Variants in CEMIP observed in about 807,000 individuals in gnomAD.
CEMIP encodes the protein cell migration inducing hyaluronidase 1.
In CEMIP, 105 loss-of-function variants were observed where a neutral mutation model predicts 156.9. The observed-to-expected ratio is 0.67, with a 90% CI of 0.57 to 0.79. CEMIP has a LOEUF of 0.79. Ranked by LOEUF, CEMIP falls within the 30% of genes least tolerant of loss-of-function variation. The pLI is 0.00. For synonymous variants in CEMIP, 676 were observed against 668.4 expected (o/e 1.01, Z -0.17); for missense variants, 1,457 against 1,769.4 (o/e 0.82, Z 3.17).
At chr15:80,922,680 C>T (rs1900520334) in intron 17 of CEMIP, among the ~76,000 whole-genome samples, 1 of 152,218 alleles carries the variant, frequency 6.6e-6, no homozygotes, top group African/African-American at 2.4e-5. Context: ...CAGTCATCTT[C>T]ATTTGCTCAT....
At chr15:80,935,269 A>G (rs1008308060) in intron 23 of CEMIP, among the ~76,000 whole-genome samples, 1 of 152,184 alleles carries the variant, frequency 6.6e-6, no homozygotes, top group Admixed American at 6.5e-5. Context: ...TAATTGAAGG[A>G]TGACCAAACC....
intron 1 of CEMIP, among the ~76,000 whole-genome samples, chr15:80,811,698 G>C (rs1249844557): frequency 6.6e-6 from 1 of 152,168 alleles, no homozygotes; most frequent in Admixed American, 6.5e-5. Context: ...GAGGCCACAG[G>C]TGCTTGCCAC....
At chr15:80,913,721 A>T (rs1900153432) in intron 14 of CEMIP, among the ~76,000 whole-genome samples, 1 of 152,270 alleles carries the variant, frequency 6.6e-6, no homozygotes, top group Non-Finnish European at 1.5e-5. Flanking sequence ...CTGTGTAAAC[A>T]TCGCTGGTTC....
intron 21 of CEMIP, among the ~76,000 whole-genome samples, chr15:80,931,130 T>C (rs1306248310): frequency 6.6e-6 from 1 of 152,236 alleles, no homozygotes; most frequent in Non-Finnish European, 1.5e-5. Context: ...TCCAAGCCTG[T>C]TGCCGCTTCC....
At chr15:80,834,618 A>G (rs1304164126) in intron 1 of CEMIP, among the ~76,000 whole-genome samples, 1 of 152,208 alleles carries the variant, frequency 6.6e-6, no homozygotes, top group Non-Finnish European at 1.5e-5. Flanking sequence ...ATTCTGTTTC[A>G]TTGGTCCATT....
At chr15:80,948,624 T>C (rs1163364558) in intron 29 of CEMIP, 173 bp from the exon 30 acceptor site, 1 of 847,110 alleles carries the variant, frequency 1.2e-6, no homozygotes, top group Non-Finnish European at 1.9e-6. Context: ...TACAAACACA[T>C]GTCAGGCACC....
At chr15:80,913,135 G>A (rs1170166445) in intron 14 of CEMIP, among the ~76,000 whole-genome samples, 2 of 152,182 alleles carry the variant, frequency 1.3e-5, no homozygotes. Flanking sequence ...CCTGCTGCCT[G>A]TAGACAGGCT....
chr15:80,813,318 C>T (rs1281374741), intron 1 of CEMIP, among the ~76,000 whole-genome samples: 1 of 150,682 alleles, frequency 6.6e-6, no homozygotes, highest in African/African-American at 2.4e-5. Context: ...TCCTCCTCCT[C>T]GTTATCATTT....
chr15:80,825,322 A>G (rs909622440), intron 1 of CEMIP, among the ~76,000 whole-genome samples: 4 of 152,190 alleles, frequency 2.6e-5, no homozygotes, highest in African/African-American at 9.7e-5. Context: ...TCAATTTATA[A>G]ATGAGGAAAC....
At chr15:80,802,943 A>G (rs1053359692) in intron 1 of CEMIP, among the ~76,000 whole-genome samples, 1 of 152,226 alleles carries the variant, frequency 6.6e-6, no homozygotes, top group African/African-American at 2.4e-5. Flanking sequence ...TTGGGCTGCT[A>G]TAACAAAGTT....
chr15:80,887,600 G>A, intron 7 of CEMIP, 94 bp from the exon 8 acceptor site: 1 of 914,280 alleles, frequency 1.1e-6, no homozygotes, highest in Non-Finnish European at 1.8e-6. Flanking sequence ...TCCTTCACCT[G>A]ACGCTGCTTC....
chr15:80,814,043 CTTTT>C (rs778309859), intron 1 of CEMIP, among the ~76,000 whole-genome samples: 4 of 73,726 alleles, frequency 5.4e-5, no homozygotes, highest in African/African-American at 1.8e-4. Flanking sequence ...AACTCTTTGG[CTTTT>C]TTTTTTTTTT....
At chr15:80,845,005 T>C (rs927918847) in intron 1 of CEMIP, among the ~76,000 whole-genome samples, 11 of 152,196 alleles carry the variant, frequency 7.2e-5, no homozygotes, top group Non-Finnish European at 1.5e-4. Flanking sequence ...GAATGATTTG[T>C]AAAACGATTT....
chr15:80,850,718 C>G (rs963704359), intron 1 of CEMIP, among the ~76,000 whole-genome samples: 2 of 152,200 alleles, frequency 1.3e-5, no homozygotes, highest in African/African-American at 4.8e-5. Flanking sequence ...TCCCCATGGA[C>G]TCAGCTACAG....
chr15:80,850,471 G>C (rs538050217), intron 1 of CEMIP, among the ~76,000 whole-genome samples: 1 of 152,220 alleles, frequency 6.6e-6, no homozygotes, highest in African/African-American at 2.4e-5. Flanking sequence ...TAGCGATAGG[G>C]TTTCACCATG....
At chr15:80,891,779 CTT>C (rs1245218100) in intron 10 of CEMIP, among the ~76,000 whole-genome samples, 6 of 152,210 alleles carry the variant, frequency 3.9e-5, no homozygotes, top group Admixed American at 2.0e-4. Flanking sequence ...CGCCACCAAT[CTT>C]TAATCAATGG....
At chr15:80,887,582 A>C in intron 7 of CEMIP, 112 bp from the exon 8 acceptor site, 2 of 768,998 alleles carry the variant, frequency 2.6e-6, no homozygotes, top group Non-Finnish European at 4.5e-6. Flanking sequence ...AACAGCAGGG[A>C]GGGACCCTCC....
At chr15:80,889,112 C>T (rs879461094) in intron 9 of CEMIP, among the ~76,000 whole-genome samples, 8 of 152,192 alleles carry the variant, frequency 5.3e-5, no homozygotes, top group Non-Finnish European at 1.5e-5. Flanking sequence ...AGGAATAGAA[C>T]CTGCCCTCCA....
chr15:80,835,464 G>A lies in CEMIP; in HGVS notation c.-175-38074G>A, dbSNP rs564824457. Among the ~76,000 whole-genome samples the A allele has an allele frequency of 1.6e-3, 246 of 152,344 alleles. 2 individuals carry two copies. Among genetic ancestry groups the A allele is most frequent in the Non-Finnish European group, 2.5e-3 (173 of 68,036 alleles). ...CCACCTGGGATATTTGTCAGGTCCC[G>A]GGTCTGGGTGATAGGCAGGGGCCCC... On this transcript the variant is annotated intron_variant, in intron 1 of 29. Coordinates refer to ENST00000394685, the MANE Select transcript of CEMIP (RefSeq NM_001293298.2).
Sources: gnomAD v4.1 joint callset for allele counts (sites outside exome capture counted in the v4.1 genomes callset) on GRCh38, gnomAD v4.1.1 for gene constraint, MANE v1.5 for transcripts, NCBI Gene and HGNC (gene_info 2026-07-23, HGNC 2026-07-21) for gene names.